The following TMEM108 variants were observed in gnomAD, a reference collection of about 807,000 sequenced individuals.
The protein encoded by TMEM108 is transmembrane protein 108, also known as cancer/testis antigen 124.
TMEM108 carries 12 observed loss-of-function variants against 35.1 expected under a neutral mutation model. The observed-to-expected ratio is 0.34, with a 90% CI of 0.22 to 0.55. The LOEUF (loss-of-function observed/expected upper bound fraction) is 0.55, where lower values mean the gene tolerates loss of function less well. TMEM108 is among the 20% of genes least tolerant of loss of function. The pLI, the probability that TMEM108 is intolerant of heterozygous loss-of-function variation, is 0.89. For missense variants in TMEM108, 680 were observed against 753.3 expected (o/e 0.90, Z 1.14); for synonymous variants, 287 against 308.6 (o/e 0.93, Z 0.73).
intron 3 of TMEM108, among the ~76,000 whole-genome samples, chr3:133,294,317 T>TA (rs937405332): frequency 1.3e-5 from 2 of 152,150 alleles, no homozygotes; most frequent in African/African-American, 4.8e-5. Flanking sequence ...AATTAGGTAA[T>TA]AAAAAGTGAA....
chr3:133,365,872 A>G (rs913159476), intron 3 of TMEM108, among the ~76,000 whole-genome samples: 4 of 152,166 alleles, frequency 2.6e-5, no homozygotes, highest in Non-Finnish European at 4.4e-5. Flanking sequence ...GAGCCCTTTA[A>G]TCAGGTGATG....
chr3:133,218,810 A>G (rs557866204), intron 2 of TMEM108, among the ~76,000 whole-genome samples: 4 of 151,980 alleles, frequency 2.6e-5, no homozygotes, highest in Non-Finnish European at 4.4e-5. Flanking sequence ...TTTGTGTCCT[A>G]TATTCATCAG....
intron 3 of TMEM108, among the ~76,000 whole-genome samples, chr3:133,361,875 G>C (rs1185464278): frequency 3.3e-5 from 5 of 152,168 alleles, no homozygotes; most frequent in Admixed American, 3.3e-4. Flanking sequence ...ACATCACATT[G>C]TAAGAACCTA....
At chr3:133,264,095 TAA>T (rs1227598183) in intron 3 of TMEM108, among the ~76,000 whole-genome samples, 1 of 152,206 alleles carries the variant, frequency 6.6e-6, no homozygotes, top group East Asian at 1.9e-4. Context: ...CGCTTGAGGC[TAA>T]GAGTTCAAGA....
chr3:133,327,374 G>A (rs914269106), intron 3 of TMEM108, among the ~76,000 whole-genome samples: 4 of 152,142 alleles, frequency 2.6e-5, no homozygotes. Flanking sequence ...GAAGACAGAA[G>A]TATGTAAATA....
intron 2 of TMEM108, among the ~76,000 whole-genome samples, chr3:133,056,270 C>T (rs1376020723): frequency 6.6e-6 from 1 of 152,170 alleles, no homozygotes; most frequent in Non-Finnish European, 1.5e-5. Context: ...CAAACTGGTC[C>T]TTGGTCCCGT....
At chr3:133,157,429 A>G (rs1944897571) in intron 2 of TMEM108, among the ~76,000 whole-genome samples, 1 of 152,220 alleles carries the variant, frequency 6.6e-6, no homozygotes, top group Non-Finnish European at 1.5e-5. Context: ...ATGTGTGTAC[A>G]CATACACACA....
chr3:133,104,191 G>T (rs573476373), intron 2 of TMEM108, among the ~76,000 whole-genome samples: 3 of 152,094 alleles, frequency 2.0e-5, no homozygotes, highest in Non-Finnish European at 4.4e-5. Flanking sequence ...TATAAAATGG[G>T]ATGATAATAA....
intron 2 of TMEM108, among the ~76,000 whole-genome samples, chr3:133,072,273 G>A (rs1230566931): frequency 1.3e-5 from 2 of 151,906 alleles, no homozygotes; most frequent in African/African-American, 2.4e-5. Context: ...TAATGATTAA[G>A]GACAGATTTT....
chr3:133,354,914 T>C (rs1249474248), intron 3 of TMEM108, among the ~76,000 whole-genome samples: 1 of 152,130 alleles, frequency 6.6e-6, no homozygotes, highest in Non-Finnish European at 1.5e-5. Context: ...AGTTCACTTC[T>C]GATTTTCTTA....
chr3:133,115,109 A>G (rs1283622918), intron 2 of TMEM108, among the ~76,000 whole-genome samples: 1 of 152,202 alleles, frequency 6.6e-6, no homozygotes, highest in Admixed American at 6.5e-5. Context: ...ATCTTTCAAG[A>G]TTTTTCTTAA....
At chr3:133,054,679 T>C (rs1943444632) in intron 2 of TMEM108, among the ~76,000 whole-genome samples, 1 of 152,216 alleles carries the variant, frequency 6.6e-6, no homozygotes, top group Admixed American at 6.5e-5. Context: ...TATAAGGGAA[T>C]GCATTCTAAT....
chr3:133,273,488 C>G (rs1946800151), intron 3 of TMEM108, among the ~76,000 whole-genome samples: 1 of 152,102 alleles, frequency 6.6e-6, no homozygotes, highest in Non-Finnish European at 1.5e-5. Context: ...TTTCTCTCCC[C>G]ACAGTAAGTA....
chr3:133,212,652 A>T (rs982832311), intron 2 of TMEM108, among the ~76,000 whole-genome samples: 1 of 152,076 alleles, frequency 6.6e-6, no homozygotes, highest in Non-Finnish European at 1.5e-5. Context: ...GGATCACCTG[A>T]GGTCAGTAGT....
At chr3:133,239,276 G>C (rs1432957627) in intron 3 of TMEM108, among the ~76,000 whole-genome samples, 1 of 152,162 alleles carries the variant, frequency 6.6e-6, no homozygotes, top group Non-Finnish European at 1.5e-5. Flanking sequence ...GGCTGCAGTA[G>C]CAGTAATGAC....
chr3:133,363,774 A>G (rs930082945), intron 3 of TMEM108, among the ~76,000 whole-genome samples: 1 of 152,192 alleles, frequency 6.6e-6, no homozygotes, highest in Non-Finnish European at 1.5e-5. Flanking sequence ...CACATATATA[A>G]TTTTAATTTG....
chr3:133,267,240 C>T (rs891508320), intron 3 of TMEM108, among the ~76,000 whole-genome samples: 1 of 152,100 alleles, frequency 6.6e-6, no homozygotes, highest in Non-Finnish European at 1.5e-5. Context: ...TGATATAGTC[C>T]TCTGCCTCTA....
At chr3:133,311,213 G>T (rs1049626485) in intron 3 of TMEM108, among the ~76,000 whole-genome samples, 1 of 152,166 alleles carries the variant, frequency 6.6e-6, no homozygotes, top group Admixed American at 6.5e-5. Context: ...TCTTCTCGAA[G>T]AGTATCTTTG....
Position 133,380,498 on chromosome 3 carries a change from T to C in TMEM108, c.787T>C (p.Ser263Pro). 1.2e-6 allele frequency: 2 copies of C among 1,613,728 alleles called. No homozygotes were observed. Among genetic ancestry groups the C allele is most frequent in the South Asian group, 1.1e-5 (1 of 91,070 alleles). Residue 263 changes from serine to proline, a missense_variant, in exon 4 of 6, where the codon TCA becomes CCA. By Grantham distance (74) the Ser-to-Pro change is moderately conservative. This residue lies in a region of TMEM108 where 526 missense variants were observed against 532.1 expected (regional missense o/e 0.99). Coordinates refer to ENST00000321871, the MANE Select transcript of TMEM108 (RefSeq NM_023943.4). This position sits in a 1 kb window ranked among gnomAD's most constrained non-coding sequence, Gnocchi z 5.3. The part of the protein sequence containing the change: ...VAATTVPSNT[S>P]WAPTTTSLGP... ...TGCGACCACAGTGCCCAGCAATACC[T>C]CATGGGCACCCACCACCACCTCCCT...
Sources: allele counts gnomAD v4.1 joint callset (sites outside exome capture counted in the v4.1 genomes callset), GRCh38; gene constraint gnomAD v4.1.1; regional missense constraint gnomAD v4.1.1; non-coding constraint Gnocchi (gnomAD v3.1); transcripts MANE v1.5; gene names NCBI Gene and HGNC (gene_info 2026-07-23, HGNC 2026-07-21).